The following CARNMT1 variants were observed in gnomAD, a reference collection of about 807,000 sequenced individuals.
CARNMT1 encodes the protein protein-L-histidine N-pros-methyltransferase CARNMT1.
A neutral mutation model predicts 49.6 loss-of-function variants in CARNMT1; 28 were observed. The ratio of observed to expected loss-of-function variants is 0.56; its 90% confidence interval spans 0.42 to 0.77. The LOEUF (loss-of-function observed/expected upper bound fraction) is 0.77, where lower values mean the gene tolerates loss of function less well. Among genes scored for constraint, CARNMT1 ranks in the 30% least tolerant of loss-of-function variants. The pLI, the probability that CARNMT1 is intolerant of heterozygous loss-of-function variation, is 0.00. For missense variants in CARNMT1, 421 were observed against 512.6 expected (o/e 0.82, Z 1.73); for synonymous variants, 178 against 175.0 (o/e 1.02, Z -0.13).
At chr9:75,001,860 A>C (rs1833368157) in intron 3 of CARNMT1, among the ~76,000 whole-genome samples, 1 of 152,196 alleles carries the variant, frequency 6.6e-6, no homozygotes, top group Non-Finnish European at 1.5e-5. Context: ...AAAAAGAAAC[A>C]CAAATCTAAT....
intron 3 of CARNMT1, among the ~76,000 whole-genome samples, chr9:75,005,383 T>C (rs1833471841): frequency 6.6e-6 from 1 of 152,112 alleles, no homozygotes; most frequent in Non-Finnish European, 1.5e-5. Context: ...CATAGACAGA[T>C]TGGAGAAACT....
At chr9:75,004,360 A>G (rs1378681186) in intron 3 of CARNMT1, among the ~76,000 whole-genome samples, 1 of 152,178 alleles carries the variant, frequency 6.6e-6, no homozygotes, top group Non-Finnish European at 1.5e-5. Context: ...GCATTTCCCT[A>G]TGAGATTGAG....
intron 3 of CARNMT1, among the ~76,000 whole-genome samples, chr9:75,005,597 T>C (rs10869468): frequency 0.45 from 67,639 of 150,846 alleles, 15,359 homozygotes; most frequent in South Asian, 0.5. Context: ...CTCAGCCTCC[T>C]GAGTAGCTGG....
intron 3 of CARNMT1, among the ~76,000 whole-genome samples, chr9:75,005,578 T>C (rs1833480769): frequency 6.6e-6 from 1 of 151,166 alleles, no homozygotes; most frequent in African/African-American, 2.4e-5. Flanking sequence ...GTTCACACCA[T>C]TCTCCTGCCT....
intron 1 of CARNMT1, among the ~76,000 whole-genome samples, chr9:75,023,208 A>G (rs1822430246): frequency 6.6e-6 from 1 of 152,026 alleles, no homozygotes; most frequent in Non-Finnish European, 1.5e-5. Flanking sequence ...CCCACAATCA[A>G]TAAACCCAGG....
intron 7 of CARNMT1, 71 bp from the exon 8 acceptor site, chr9:74,983,939 A>C: frequency 9.9e-7 from 1 of 1,008,936 alleles, no homozygotes; most frequent in Non-Finnish European, 1.4e-6. Context: ...TTCTGAGCAC[A>C]TATGTATCAG....
At position 74,996,556 on chromosome 9, in the gene CARNMT1, G is replaced by C; in HGVS notation, c.915C>G (p.Thr305=). 6.5e-7 allele frequency: 1 copy of C among 1,545,794 alleles called. No homozygotes were observed. Among genetic ancestry groups the C allele is most frequent in the East Asian group, 2.3e-5 (1 of 43,900 alleles). The change falls in exon 6 of 8, where the codon ACC becomes ACG. Residue 305 remains threonine, a synonymous_variant. Coordinates refer to ENST00000376834, the MANE Select transcript of CARNMT1 (RefSeq NM_152420.3). The part of the protein sequence containing the change: ...DFQEIYSECN[T]WDCIATCFFI... ...AGAAACAGGTAGCAATACAGTCCCA[G>C]GTATCTAATGAAGAAAAATCAAATT...
At chr9:75,002,793 T>G (rs1470126929) in intron 3 of CARNMT1, among the ~76,000 whole-genome samples, 1 of 152,148 alleles carries the variant, frequency 6.6e-6, no homozygotes, top group Non-Finnish European at 1.5e-5. Context: ...CAGGCTGGAG[T>G]GCAATAGTGC....
chr9:75,027,607 G>C (rs1469770976), intron 1 of CARNMT1: 1 of 304,800 alleles, frequency 3.3e-6, no homozygotes, highest in Admixed American at 6.5e-5. Context: ...GGCTCTCCGT[G>C]TGTTCAGTTT....
intron 1 of CARNMT1, chr9:75,027,169 T>A: frequency 7.9e-7 from 1 of 1,260,602 alleles, no homozygotes; most frequent in South Asian, 1.3e-5. Context: ...TCCAGTTGAT[T>A]TAAGTCCCTT....
chr9:74,983,942 T>G, intron 7 of CARNMT1, 74 bp from the exon 8 acceptor site: 1 of 936,824 alleles, frequency 1.1e-6, no homozygotes, highest in Non-Finnish European at 1.6e-6. Flanking sequence ...TGAGCACATA[T>G]GTATCAGTGG....
chr9:75,021,414 CTA>C (rs913466080), intron 1 of CARNMT1, among the ~76,000 whole-genome samples: 1 of 143,856 alleles, frequency 7.0e-6, no homozygotes, highest in South Asian at 2.1e-4. Flanking sequence ...TATATACATA[CTA>C]TATATAGTAT....
At chr9:75,004,653 T>C (rs540121022) in intron 3 of CARNMT1, among the ~76,000 whole-genome samples, 1 of 152,304 alleles carries the variant, frequency 6.6e-6, no homozygotes, top group Admixed American at 6.5e-5. Context: ...AATCTTTTCA[T>C]GAACTATAAT....
chr9:74,987,457 GACC>G (rs985245182), intron 6 of CARNMT1, among the ~76,000 whole-genome samples: 8 of 152,046 alleles, frequency 5.3e-5, no homozygotes, highest in Admixed American at 1.3e-4. Flanking sequence ...AATAAAAAAA[GACC>G]ACCACAACAG....
chr9:75,005,695 G>A (rs1268240017), intron 3 of CARNMT1, among the ~76,000 whole-genome samples: 4 of 151,686 alleles, frequency 2.6e-5, no homozygotes, highest in African/African-American at 4.8e-5. Context: ...GGATGATCTC[G>A]ATCTCCTGAT....
chr9:75,012,287 T>A (rs1378721318), intron 3 of CARNMT1, among the ~76,000 whole-genome samples: 1 of 148,190 alleles, frequency 6.7e-6, no homozygotes, highest in African/African-American at 2.4e-5. Context: ...GTTTTTGGTT[T>A]TTTTTTTTTT....
intron 4 of CARNMT1, among the ~76,000 whole-genome samples, chr9:74,999,166 C>A (rs1368888221): frequency 6.6e-6 from 1 of 152,038 alleles, no homozygotes; most frequent in Non-Finnish European, 1.5e-5. Context: ...TCCCCTAAAA[C>A]TCATACTGCC....
At chr9:75,024,585 A>T (rs916335537) in intron 1 of CARNMT1, among the ~76,000 whole-genome samples, 2 of 152,256 alleles carry the variant, frequency 1.3e-5, no homozygotes, top group African/African-American at 4.8e-5. Context: ...AATGAGCTAT[A>T]TCCATTTTTA....
chr9:75,026,196 G>A (rs1177498896), intron 1 of CARNMT1, among the ~76,000 whole-genome samples: 2 of 152,130 alleles, frequency 1.3e-5, no homozygotes, highest in South Asian at 2.1e-4. Flanking sequence ...CGCTGGTAAA[G>A]AAGAGAGTAT....
Sources: allele counts gnomAD v4.1 joint callset (sites outside exome capture counted in the v4.1 genomes callset), GRCh38; gene constraint gnomAD v4.1.1; transcripts MANE v1.5; gene names NCBI Gene and HGNC (gene_info 2026-07-23, HGNC 2026-07-21).